The following PGM1 variants were observed in gnomAD, a reference collection of about 807,000 sequenced individuals.
The protein encoded by PGM1 is phosphoglucomutase 1.
Under a neutral mutation model 55.6 loss-of-function variants are expected in PGM1, and 52 were observed. The ratio of observed to expected loss-of-function variants is 0.94; its 90% CI spans 0.75 to 1.18. The LOEUF (loss-of-function observed/expected upper bound fraction) is 1.18. Ranked by LOEUF, PGM1 falls within the 50% of genes most tolerant of loss-of-function variation. PGM1 has a pLI of 0.00. For synonymous variants in PGM1, 287 were observed against 271.7 expected (o/e 1.06, Z -0.55); for missense variants, 724 against 729.3 (o/e 0.99, Z 0.08).
At chr1:63,621,207 T>C (rs1648870438) in intron 1 of PGM1, among the ~76,000 whole-genome samples, 1 of 151,994 alleles carries the variant, frequency 6.6e-6, no homozygotes, top group Admixed American at 6.5e-5. Flanking sequence ...CTGGCATGTG[T>C]CGTTGCTTAA....
In PGM1 at chr1:63,659,757, T is replaced by C. The variant is rs1460891515; in HGVS notation, c.*82T>C. 5 of 1,038,974 alleles carry C rather than the reference T, an allele frequency of 4.8e-6. No homozygotes were observed. Among genetic ancestry groups the C allele is most frequent in the Non-Finnish European group, 7.6e-6 (5 of 660,036 alleles). The allele number at this position is 1,038,974 out of a possible 1,614,324, so 64.4% of individuals were successfully genotyped here. A position where few individuals can be genotyped will look rare whatever the true frequency, so the allele number is the denominator to read the frequency against. ...ATTGAAGAGCATGACAGAAACAAAA[T>C]GTATTCACCAAGCATTTTAGGATTT... On this transcript the variant is annotated 3_prime_UTR_variant, in exon 11 of 11. Transcript: ENST00000371084.
intron 1 of PGM1, among the ~76,000 whole-genome samples, chr1:63,617,640 C>T (rs958514479): frequency 2.1e-5 from 3 of 144,836 alleles, no homozygotes; most frequent in African/African-American, 7.7e-5. Flanking sequence ...GAGGCTGAGG[C>T]ACGAGAATTG....
chr1:63,607,207 A>G (rs1648446551), intron 1 of PGM1, among the ~76,000 whole-genome samples: 1 of 152,188 alleles, frequency 6.6e-6, no homozygotes, highest in African/African-American at 2.4e-5. Flanking sequence ...TACATGGACC[A>G]AATGTCCAGT....
In PGM1 at chr1:63,635,046, T is replaced by A. The variant is rs112764113; in HGVS notation, c.873+27T>A. 19 of 1,595,658 alleles carry A rather than the reference T, an allele frequency of 1.2e-5. No individual in the cohort carries two copies. The African/African-American group carries it at 1.5e-4, about 12-fold the overall frequency. On this transcript the variant is annotated intron_variant, in intron 5 of 10. Coordinates refer to ENST00000371084, the MANE Select transcript of PGM1 (RefSeq NM_002633.3). ...TGGGTATAAGTGCATTTAAGTGAACTCTGGTGCAGGCCAGGCCTGATCCTG... is the reference window on the plus strand; with the variant it reads ...TGGGTATAAGTGCATTTAAGTGAACACTGGTGCAGGCCAGGCCTGATCCTG...
chr1:63,602,938 A>T (rs1202512470), intron 1 of PGM1, among the ~76,000 whole-genome samples: 1 of 152,194 alleles, frequency 6.6e-6, no homozygotes, highest in Non-Finnish European at 1.5e-5. Flanking sequence ...AGGCTAGGAA[A>T]GCATAAAGGA....
At chr1:63,634,688 C>A (rs1649313877) in intron 4 of PGM1, 141 bp from the exon 5 acceptor site, 1 of 717,562 alleles carries the variant, frequency 1.4e-6, no homozygotes, top group Non-Finnish European at 2.5e-6. Context: ...TCCACTAGTC[C>A]CTGAACACAT....
In PGM1 at chr1:63,650,357, A is replaced by T. The variant is rs948590283; in HGVS notation, c.1281-1312A>T. ...CTGATTGCAAAACCCAGACTCTTCT[A>T]TTCCACCCCTCTGTGCCTAGGGTTT... On this transcript the variant is annotated intron_variant, in intron 8 of 10. Transcript: ENST00000371084. Among the ~76,000 whole-genome samples, 4 of 152,320 alleles carry T rather than the reference A, an allele frequency of 2.6e-5. No individual in the cohort carries two copies. The East Asian group carries it at 5.8e-4, about 22-fold the overall frequency.
At chr1:63,606,615 A>G (rs1648425892) in intron 1 of PGM1, among the ~76,000 whole-genome samples, 1 of 152,200 alleles carries the variant, frequency 6.6e-6, no homozygotes, top group Non-Finnish European at 1.5e-5. Flanking sequence ...ATGTCGCATT[A>G]ATCAAAACTT....
chr1:63,598,193 C>T (rs1385304291), intron 1 of PGM1, among the ~76,000 whole-genome samples: 2 of 152,076 alleles, frequency 1.3e-5, no homozygotes, highest in East Asian at 1.9e-4. Context: ...AGGCTGATCT[C>T]GAACTCATGG....
At chr1:63,636,742 AAC>A (rs368631554) in intron 6 of PGM1, among the ~76,000 whole-genome samples, 3 of 151,882 alleles carry the variant, frequency 2.0e-5, no homozygotes, top group Non-Finnish European at 4.4e-5. Context: ...TAGTAGGACA[AAC>A]ACACACACAC....
At position 63,649,172 on chromosome 1, in the gene PGM1, C is replaced by T. The variant is rs78993413; in HGVS notation, c.1280+520C>T. 9.4e-3 allele frequency among the ~76,000 whole-genome samples: 1,436 copies of T among 152,258 alleles called. 11 individuals carry two copies. The highest frequency in any genetic ancestry group is 0.014 in the Non-Finnish European group (941 of 68,002). ...AGAAACAGTTATGCTTAGTCCACAT[C>T]GACTTTTCTGCCTTGTGAAATAGGT... On this transcript the variant is annotated intron_variant, in intron 8 of 10. Coordinates refer to ENST00000371084, the MANE Select transcript of PGM1 (RefSeq NM_002633.3).
In PGM1 at chr1:63,641,447, C is replaced by T. The variant is rs372270024; in HGVS notation, c.1144+2647C>T. Reference sequence around the variant, plus strand: ...TATTTATAGAGGAGTTAATTTTTAGCAACCACGCCCCTTGCTAGTGAATGT... The same window carrying T: ...TATTTATAGAGGAGTTAATTTTTAGTAACCACGCCCCTTGCTAGTGAATGT... On this transcript the variant is annotated intron_variant, in intron 7 of 10. Transcript: ENST00000371084. 7.9e-5 allele frequency among the ~76,000 whole-genome samples: 12 copies of T among 152,292 alleles called. 3 individuals are homozygous for T. Among genetic ancestry groups the T allele is most frequent in the East Asian group, 1.9e-4 (1 of 5,184 alleles).
chr1:63,658,360 T>TTA (rs1553122912), intron 10 of PGM1, among the ~76,000 whole-genome samples: 1 of 151,180 alleles, frequency 6.6e-6, no homozygotes, highest in African/African-American at 2.4e-5. Flanking sequence ...TTTTTTTTTT[T>TTA]AATATTGAAA....
chr1:63,650,707 A>C (rs568493030), intron 8 of PGM1, among the ~76,000 whole-genome samples: 9 of 152,214 alleles, frequency 5.9e-5, no homozygotes, highest in Non-Finnish European at 1.2e-4. Flanking sequence ...AGCCACCTGT[A>C]CAAGTCTTTA....
chr1:63,631,573 T>C, intron 3 of PGM1, 84 bp from the exon 4 acceptor site: 1 of 1,331,658 alleles, frequency 7.5e-7, no homozygotes, highest in Non-Finnish European at 1.1e-6. Flanking sequence ...CAATAGCAGG[T>C]TTACAGCAAT....
At chr1:63,638,907 C>G (rs1649437066) in intron 7 of PGM1, 107 bp downstream of exon 7, 2 of 839,612 alleles carry the variant, frequency 2.4e-6, no homozygotes, top group African/African-American at 1.7e-5. Flanking sequence ...CCGATGTGTC[C>G]TAAATCAAGG....
At position 63,593,416 on chromosome 1, in the gene PGM1, A is replaced by C. The variant is rs1647919338; in HGVS notation, c.-73A>C. 2.3e-5 allele frequency: 37 copies of C among 1,603,634 alleles called. No homozygotes were observed. The South Asian group carries it at 4.0e-4, about 17-fold the overall frequency. The stretch of plus-strand genomic sequence containing the variant: ...ACCCGCCGTGCCCTCACCCCAGAGC[A>C]GCTGCAGCCTCAGCCGGCCGCCCCT... On this transcript the variant is annotated 5_prime_UTR_variant, in exon 1 of 11. Coordinates refer to ENST00000371084, the MANE Select transcript of PGM1 (RefSeq NM_002633.3).
At chr1:63,649,488 G>T (rs1421589081) in intron 8 of PGM1, among the ~76,000 whole-genome samples, 2 of 152,116 alleles carry the variant, frequency 1.3e-5, no homozygotes, top group African/African-American at 4.8e-5. Context: ...TGGTAAAAAG[G>T]ATATTAGATG....
At chr1:63,622,118 A>G (rs1037274629) in intron 1 of PGM1, among the ~76,000 whole-genome samples, 1 of 152,146 alleles carries the variant, frequency 6.6e-6, no homozygotes, top group Non-Finnish European at 1.5e-5. Flanking sequence ...TCAGCCTCCC[A>G]GGTTCAAGCA....
Sources: gnomAD v4.1 joint callset for allele counts (sites outside exome capture counted in the v4.1 genomes callset) on GRCh38, gnomAD v4.1.1 for gene constraint, MANE v1.5 for transcripts, NCBI Gene and HGNC (gene_info 2026-07-23, HGNC 2026-07-21) for gene names.